Variants in PAX2 observed in about 807,000 individuals in gnomAD.
PAX2 encodes the protein paired box protein Pax-2.
A neutral mutation model predicts 41.7 loss-of-function variants in PAX2; 9 were observed. That is an observed-to-expected ratio of 0.22 (90% CI 0.13 to 0.38). The LOEUF is 0.38. Ranked by LOEUF, PAX2 falls within the 10% of genes least tolerant of loss-of-function variation. PAX2 has a pLI of 1.00. For missense variants in PAX2, 418 were observed against 531.6 expected, an observed-to-expected ratio of 0.79 and a Z score of 2.10; for synonymous variants, 221 against 212.7, an observed-to-expected ratio of 1.04 and a Z score of -0.34.
intron 3 of PAX2, among the ~76,000 whole-genome samples, chr10:100,753,967 G>A (rs141730515): frequency 2.2e-4 from 33 of 152,330 alleles, no homozygotes; most frequent in Admixed American, 5.2e-4. Context: ...TCCTTAGCAT[G>A]TGGAATTTAT....
chr10:100,762,609 AG>A (rs747494421), intron 3 of PAX2, among the ~76,000 whole-genome samples: 13 of 152,208 alleles, frequency 8.5e-5, no homozygotes, highest in South Asian at 6.2e-4. Context: ...AGGGTATATC[AG>A]TTAGAGACAC....
chr10:100,788,379 G>A (rs764558333), intron 5 of PAX2, among the ~76,000 whole-genome samples: 1 of 152,260 alleles, frequency 6.6e-6, no homozygotes, highest in African/African-American at 2.4e-5. Flanking sequence ...TTCTGGAGGG[G>A]CAGTGGGAGG....
chr10:100,753,905 G>T (rs577236878), intron 3 of PAX2, among the ~76,000 whole-genome samples: 1 of 152,222 alleles, frequency 6.6e-6, no homozygotes, highest in Non-Finnish European at 1.5e-5. Flanking sequence ...GGGTCAGGAA[G>T]GCCTCCCCAC....
Position 100,746,048 on chromosome 10 carries a change from C to A in PAX2, c.-213C>A. The A allele has an allele frequency of 1.4e-6, 2 of 1,457,444 alleles. No homozygotes were observed. The highest frequency in any genetic ancestry group is 2.5e-4 in the Middle Eastern group (1 of 4,046). The allele number at this position is 1,457,444 out of a possible 1,614,324, so 90.3% of individuals were successfully genotyped here. A position where few individuals can be genotyped will look rare whatever the true frequency, so the allele number is the denominator to read the frequency against. On this transcript the variant is annotated 5_prime_UTR_variant, in exon 1 of 10. Transcript: ENST00000355243. Reference sequence around the variant, plus strand: ...CCCGAGCCCCGACAGTGGCAAGTTGCGGCTACTGCAGTTGCAAGCTCCGGC... The same window carrying A: ...CCCGAGCCCCGACAGTGGCAAGTTGAGGCTACTGCAGTTGCAAGCTCCGGC...
At chr10:100,817,141 C>T (rs982714860) in intron 7 of PAX2, among the ~76,000 whole-genome samples, 2 of 151,742 alleles carry the variant, frequency 1.3e-5, no homozygotes, top group African/African-American at 4.9e-5. Flanking sequence ...CCAGTACCTG[C>T]CCAACTCCAA....
chr10:100,827,970 G>T lies in PAX2; in HGVS notation c.*351G>T, dbSNP rs1221447296. 3.3e-6 allele frequency: 1 copy of T among 306,600 alleles called. No homozygotes were observed. The highest frequency in any genetic ancestry group is 5.4e-5 in the Admixed American group (1 of 18,622). The allele number at this position is 306,600 out of a possible 1,614,324, so 19.0% of individuals were successfully genotyped here. On this transcript the variant is annotated 3_prime_UTR_variant, in exon 10 of 10. Coordinates refer to ENST00000355243, the MANE Select transcript of PAX2 (RefSeq NM_000278.5). This position sits in a 1 kb window ranked among gnomAD's most constrained non-coding sequence, Gnocchi z 8.5. ...CCGAAGCCCGCCAGCCACCCTGCCGGACTCGGGCGCGACCTGCTGGCGCGC... is the reference window on the plus strand; with the variant it reads ...CCGAAGCCCGCCAGCCACCCTGCCGTACTCGGGCGCGACCTGCTGGCGCGC...
chr10:100,740,363 T>G (rs1017733671), intron 1 of PAX2, among the ~76,000 whole-genome samples: 1 of 151,426 alleles, frequency 6.6e-6, no homozygotes, highest in Non-Finnish European at 1.5e-5. Flanking sequence ...AATGGAGGAG[T>G]GGCAGGAGGT....
intron 7 of PAX2, among the ~76,000 whole-genome samples, chr10:100,818,600 A>G (rs971279215): frequency 2.0e-5 from 3 of 152,350 alleles, no homozygotes; most frequent in Admixed American, 2.0e-4. Flanking sequence ...TGTCCATAAC[A>G]TTTTATGTAT....
intron 3 of PAX2, among the ~76,000 whole-genome samples, chr10:100,765,916 TATC>T (rs35255034): frequency 0.65 from 98,763 of 150,922 alleles, 33,027 homozygotes; most frequent in East Asian, 0.99. Flanking sequence ...CCTTTATATT[TATC>T]ATCATCATCA....
intron 1 of PAX2, among the ~76,000 whole-genome samples, chr10:100,735,896 C>T (rs1844767275): frequency 6.6e-6 from 1 of 152,242 alleles, no homozygotes; most frequent in South Asian, 2.1e-4. Flanking sequence ...TCTGGGGCCT[C>T]CTGGGCCGTC....
At position 100,816,014 on chromosome 10, in the gene PAX2, C is replaced by T. The variant is rs1848174647; in HGVS notation, c.919+6778C>T. 6.6e-5 allele frequency among the ~76,000 whole-genome samples: 10 copies of T among 152,182 alleles called. No homozygotes were observed. In the South Asian group the frequency reaches 2.1e-3, roughly 31 times the overall value. ...TTCTACGCTGAGCTCAAATTTGGCC[C>T]TTAACCTTGGGCCTTTCTTCTTACC... is the stretch of plus-strand genomic sequence containing the variant. On this transcript the variant is annotated intron_variant, in intron 7 of 9. Coordinates refer to ENST00000355243, the MANE Select transcript of PAX2 (RefSeq NM_000278.5).
At chr10:100,760,739 TCTC>T (rs56685468) in intron 3 of PAX2, among the ~76,000 whole-genome samples, 11,557 of 152,020 alleles carry the variant, frequency 0.076, 1,266 homozygotes, top group African/African-American at 0.24. Context: ...TCTTCCTCTT[TCTC>T]CTCCTCCTCC....
intron 1 of PAX2, among the ~76,000 whole-genome samples, chr10:100,738,994 C>T (rs1015117439): frequency 6.8e-6 from 1 of 146,328 alleles, no homozygotes; most frequent in African/African-American, 2.5e-5. Flanking sequence ...AGGGCCTAAT[C>T]CGTCGCGCGC....
At chr10:100,766,534 T>A (rs563389973) in intron 3 of PAX2, among the ~76,000 whole-genome samples, 1 of 152,216 alleles carries the variant, frequency 6.6e-6, no homozygotes, top group Non-Finnish European at 1.5e-5. Context: ...AGACTCTCAA[T>A]TGGCATAAGG....
At chr10:100,805,998 A>T (rs921016251) in intron 5 of PAX2, among the ~76,000 whole-genome samples, 1 of 152,114 alleles carries the variant, frequency 6.6e-6, no homozygotes, top group African/African-American at 2.4e-5. Context: ...GTGGAACTGA[A>T]ATTCATCTCG....
At chr10:100,768,563 C>T (rs1846101293) in intron 3 of PAX2, among the ~76,000 whole-genome samples, 1 of 152,146 alleles carries the variant, frequency 6.6e-6, no homozygotes, top group South Asian at 2.1e-4. Flanking sequence ...TACCTGTGCT[C>T]TCTGTTAATT....
chr10:100,790,394 A>C (rs1427027058), intron 5 of PAX2, among the ~76,000 whole-genome samples: 1 of 152,088 alleles, frequency 6.6e-6, no homozygotes, highest in East Asian at 1.9e-4. Flanking sequence ...GTCAGAATAC[A>C]TCTTCAACTT....
chr10:100,774,840 G>A (rs1846327786), intron 3 of PAX2, among the ~76,000 whole-genome samples: 2 of 152,348 alleles, frequency 1.3e-5, no homozygotes, highest in Admixed American at 6.5e-5. Context: ...AAGGCAGGCT[G>A]AGCCCAGAAC....
At chr10:100,751,593 C>A (rs1449046163) in intron 3 of PAX2, among the ~76,000 whole-genome samples, 1 of 152,216 alleles carries the variant, frequency 6.6e-6, no homozygotes, top group East Asian at 1.9e-4. Flanking sequence ...TGATGACAGG[C>A]TCACACACGT....
Sources: allele counts gnomAD v4.1 joint callset (sites outside exome capture counted in the v4.1 genomes callset), GRCh38; gene constraint gnomAD v4.1.1; non-coding constraint Gnocchi (gnomAD v3.1); transcripts MANE v1.5; gene names NCBI Gene and HGNC (gene_info 2026-07-23, HGNC 2026-07-21).